C3orf70: variants seen among roughly 807,000 people sequenced by gnomAD.
The protein encoded by C3orf70 is UPF0524 protein C3orf70.
C3orf70 carries 15 observed loss-of-function variants against 20.7 expected under a neutral mutation model. That is an observed-to-expected ratio of 0.72 (90% CI 0.48 to 1.11). C3orf70 has a LOEUF of 1.11. Among genes scored for constraint, C3orf70 ranks in the 50% most tolerant of loss-of-function variants. C3orf70 has a pLI of 0.00. For missense variants in C3orf70, 332 were observed against 317.6 expected, an observed-to-expected ratio of 1.05 and a Z score of -0.34; for synonymous variants, 161 against 125.7, an observed-to-expected ratio of 1.28 and a Z score of -1.88.
In C3orf70 at chr3:185,078,969, G is replaced by C. The variant is rs576040341; in HGVS notation, c.*4038C>G. ...CAAAATACTTGTGATGGTTCAAATA[G>C]ACCAAGAAGTGGAGGATTAGAAGTA... On this transcript the variant is annotated 3_prime_UTR_variant, in exon 2 of 2. Coordinates refer to ENST00000335012, the MANE Select transcript of C3orf70 (RefSeq NM_001025266.3). 6.6e-6 allele frequency: 1 copy of C among 152,220 alleles called. No individual in the cohort carries two copies. Among genetic ancestry groups the C allele is most frequent in the East Asian group, 1.9e-4 (1 of 5,180 alleles). The allele number at this position is 152,220 out of a possible 1,614,324, so 9.4% of individuals were successfully genotyped here. A position where few individuals can be genotyped will look rare whatever the true frequency, so the allele number is the denominator to read the frequency against.
At chr3:185,108,391 C>A (rs530232910) in intron 1 of C3orf70, among the ~76,000 whole-genome samples, 1 of 152,196 alleles carries the variant, frequency 6.6e-6, no homozygotes, top group South Asian at 2.1e-4. Context: ...ATTCTTCATA[C>A]GTGGTTCATG....
intron 1 of C3orf70, among the ~76,000 whole-genome samples, chr3:185,105,349 C>T (rs1715911957): frequency 1.3e-5 from 2 of 152,224 alleles, no homozygotes; most frequent in African/African-American, 4.8e-5. Context: ...GGGCAAGGAA[C>T]ACCTGGCCCA....
intron 1 of C3orf70, among the ~76,000 whole-genome samples, chr3:185,120,835 A>T (rs191140602): frequency 6.6e-6 from 1 of 150,520 alleles, no homozygotes; most frequent in Admixed American, 6.6e-5. Context: ...TTCCTTAAAG[A>T]ACTAAAAGTA....
chr3:185,108,771 G>C (rs62289771), intron 1 of C3orf70, among the ~76,000 whole-genome samples: 22,146 of 152,196 alleles, frequency 0.15, 1,764 homozygotes, highest in East Asian at 0.23. Flanking sequence ...TCGAGGACTG[G>C]AACCTAACTC....
chr3:185,128,077 T>C (rs1317476430), intron 1 of C3orf70, among the ~76,000 whole-genome samples: 1 of 152,208 alleles, frequency 6.6e-6, no homozygotes, highest in Non-Finnish European at 1.5e-5. Flanking sequence ...ATGGGCAACA[T>C]TAATTTAGTA....
At chr3:185,110,204 A>G (rs1716041547) in intron 1 of C3orf70, among the ~76,000 whole-genome samples, 1 of 152,244 alleles carries the variant, frequency 6.6e-6, no homozygotes, top group African/African-American at 2.4e-5. Flanking sequence ...TTGGTAAAGA[A>G]TAAAAAAGCA....
rs1201105064 is a variant in C3orf70, at chr3:185,152,759, T to C, written c.65A>G (p.Gln22Arg). The C allele has an allele frequency of 1.9e-6, 3 of 1,590,702 alleles. No individual in the cohort carries two copies. Among genetic ancestry groups the C allele is most frequent in the African/African-American group, 1.4e-5 (1 of 72,582 alleles). ...GGCGGCGCAACTCCGCGCCAGGGCC[T>C]GAGCCTCATCTAGTTTCTCGCTCTT... Reference protein sequence around the residue: ...GWKSEKLDEAQALARSCAARR... With the variant: ...GWKSEKLDEARALARSCAARR... Residue 22 changes from glutamine (Q) to arginine (R), a missense_variant, in exon 1 of 2, where the codon CAG (glutamine) becomes CGG (arginine). Gln to Arg is a conservative substitution (Grantham distance 43, BLOSUM62 1). Coordinates refer to ENST00000335012, the MANE Select transcript of C3orf70 (RefSeq NM_001025266.3).
intron 1 of C3orf70, among the ~76,000 whole-genome samples, chr3:185,112,651 ATAAGT>A (rs1290345606): frequency 6.6e-6 from 1 of 152,230 alleles, no homozygotes; most frequent in Non-Finnish European, 1.5e-5. Flanking sequence ...ACAAAGGTAT[ATAAGT>A]TATTTTTGTA....
At chr3:185,133,863 C>A (rs773475670) in intron 1 of C3orf70, among the ~76,000 whole-genome samples, 11 of 152,036 alleles carry the variant, frequency 7.2e-5, no homozygotes, top group Non-Finnish European at 1.0e-4. Context: ...CTGAGGTGGG[C>A]AGATCACTTG....
chr3:185,088,776 T>C (rs772592468), intron 1 of C3orf70, among the ~76,000 whole-genome samples: 6 of 152,230 alleles, frequency 3.9e-5, no homozygotes, highest in Non-Finnish European at 7.3e-5. Context: ...AATTTTAGCA[T>C]GGATAGGTGG....
chr3:185,109,489 A>AC lies in C3orf70; in HGVS notation c.197-25927dup, dbSNP rs59462240. Among the ~76,000 whole-genome samples, 1,042 of 152,154 alleles carry AC rather than the reference A, an allele frequency of 6.8e-3. 12 individuals are homozygous for AC. Among genetic ancestry groups the AC allele is most frequent in the African/African-American group, 0.024 (980 of 41,494 alleles). The stretch of plus-strand genomic sequence containing the variant: ...CATGTCGAGGCTGATGCTGAGGAGG[A>AC]CCCCAACTGACACAAGCAACACCCG... On this transcript the variant is annotated intron_variant, in intron 1 of 1. Transcript: ENST00000335012.
intron 1 of C3orf70, among the ~76,000 whole-genome samples, chr3:185,091,805 G>A (rs974383408): frequency 2.1e-4 from 30 of 145,960 alleles, no homozygotes; most frequent in African/African-American, 1.5e-4. Context: ...CTGCCTCAGC[G>A]TCTCAAGTAG....
chr3:185,076,931 T>TA lies in C3orf70; in HGVS notation c.*6075dup, dbSNP rs1310513075. 6.6e-6 allele frequency among the ~76,000 whole-genome samples: 1 copy of TA among 152,186 alleles called. No individual in the cohort carries two copies. The highest frequency in any genetic ancestry group is 2.4e-5 in the African/African-American group (1 of 41,438). ...TGAGATGCCTTCTAGGACTTGGCAATACAATTAGGTAGAGAGTTAAAACAG... is the reference window on the plus strand; with the variant it reads ...TGAGATGCCTTCTAGGACTTGGCAATAACAATTAGGTAGAGAGTTAAAACAG... On this transcript the variant is annotated 3_prime_UTR_variant, in exon 2 of 2. Transcript: ENST00000335012.
At chr3:185,146,349 G>A (rs1432769159) in intron 1 of C3orf70, among the ~76,000 whole-genome samples, 8 of 142,170 alleles carry the variant, frequency 5.6e-5, no homozygotes, top group African/African-American at 1.0e-4. Flanking sequence ...GTGCAATGGC[G>A]CGATCTTGGC....
intron 1 of C3orf70, among the ~76,000 whole-genome samples, chr3:185,117,454 AAGAGAGAGAG>A (rs3072374): frequency 7.7e-5 from 11 of 141,942 alleles, no homozygotes; most frequent in African/African-American, 2.2e-4. Context: ...CACACACAGA[AAGAGAGAGAG>A]AGAGAGAGAG....
chr3:185,108,124 A>C (rs903329574), intron 1 of C3orf70, among the ~76,000 whole-genome samples: 8 of 152,198 alleles, frequency 5.3e-5, no homozygotes, highest in Admixed American at 1.3e-4. Flanking sequence ...TGACTTTGTA[A>C]GTATTCTTGA....
intron 1 of C3orf70, among the ~76,000 whole-genome samples, chr3:185,139,534 C>T (rs1343481206): frequency 6.5e-5 from 9 of 137,842 alleles, no homozygotes; most frequent in Non-Finnish European, 9.4e-5. Context: ...GCCTGGGTGA[C>T]GGAGCAAGAC....
chr3:185,118,051 TTATTG>T (rs1395881267), intron 1 of C3orf70, among the ~76,000 whole-genome samples: 7 of 152,332 alleles, frequency 4.6e-5, no homozygotes, highest in African/African-American at 1.7e-4. Flanking sequence ...TTTTTTGTGA[TTATTG>T]TATTATTCTC....
intron 1 of C3orf70, among the ~76,000 whole-genome samples, chr3:185,150,076 A>G (rs1258111017): frequency 6.6e-6 from 1 of 152,194 alleles, no homozygotes; most frequent in African/African-American, 2.4e-5. Flanking sequence ...GGCAGTAAAA[A>G]CAGTGTGTTG....
Sources: gnomAD v4.1 joint callset for allele counts (sites outside exome capture counted in the v4.1 genomes callset) on GRCh38, gnomAD v4.1.1 for gene constraint, MANE v1.5 for transcripts, NCBI Gene and HGNC (gene_info 2026-07-23, HGNC 2026-07-21) for gene names.